The following EYS variants were observed in gnomAD, a reference collection of about 807,000 sequenced individuals.
EYS encodes EGF-like photoreceptor maintenance factor.
In EYS, 250 loss-of-function variants were observed where a neutral mutation model predicts 282.1. The ratio of observed to expected loss-of-function variants is 0.89; its 90% CI spans 0.80 to 0.98. The LOEUF is 0.98. Ranked by LOEUF, EYS falls within the 50% of genes least tolerant of loss-of-function variation. EYS has a pLI of 0.00. For synonymous variants in EYS, 1,355 were observed against 1,282.9 expected (o/e 1.06, Z -1.20); for missense variants, 4,016 against 3,709.0 (o/e 1.08, Z -2.15).
At chr6:64,230,862 T>C in intron 30 of EYS, 38 bp from the exon 31 acceptor site, 1 of 1,233,164 alleles carries the variant, frequency 8.1e-7, no homozygotes, top group East Asian at 2.6e-5. Flanking sequence ...AAAATATAAG[T>C]AAAAGCACTA....
chr6:64,213,462 A>G (rs1765843690), intron 31 of EYS, among the ~76,000 whole-genome samples: 1 of 152,206 alleles, frequency 6.6e-6, no homozygotes, highest in Non-Finnish European at 1.5e-5. Flanking sequence ...GGAACCGATC[A>G]GAATAGAAAA....
intron 2 of EYS, among the ~76,000 whole-genome samples, chr6:65,508,918 A>G (rs1375532830): frequency 3.9e-5 from 6 of 152,128 alleles, no homozygotes. Flanking sequence ...TTACAGTGAG[A>G]ACGTGGAGAA....
chr6:63,892,472 A>C (rs1773434271), intron 35 of EYS, among the ~76,000 whole-genome samples: 1 of 152,218 alleles, frequency 6.6e-6, no homozygotes, highest in South Asian at 2.1e-4. Context: ...AAAAACAAGC[A>C]ATGGGGAAAG....
intron 26 of EYS, among the ~76,000 whole-genome samples, chr6:64,492,200 A>G (rs529810238): frequency 5.3e-5 from 8 of 151,264 alleles, no homozygotes; most frequent in Non-Finnish European, 8.9e-5. Flanking sequence ...AAAGTGGGAA[A>G]TGTGAAAGGT....
chr6:64,451,447 C>T (rs1417897673), intron 26 of EYS, among the ~76,000 whole-genome samples: 2 of 152,130 alleles, frequency 1.3e-5, no homozygotes, highest in Non-Finnish European at 2.9e-5. Context: ...GGAGCTGGTA[C>T]CATTCCTTCT....
intron 28 of EYS, among the ~76,000 whole-genome samples, chr6:64,399,872 C>G (rs555556921): frequency 6.6e-6 from 1 of 151,792 alleles, no homozygotes; most frequent in Non-Finnish European, 1.5e-5. Flanking sequence ...ACTTTTTAAT[C>G]GGAGCTGGTC....
chr6:65,530,541 A>T (rs1767727844), intron 2 of EYS, among the ~76,000 whole-genome samples: 1 of 152,196 alleles, frequency 6.6e-6, no homozygotes, highest in African/African-American at 2.4e-5. Flanking sequence ...AAATGTCAAC[A>T]GTTATTATTA....
At chr6:64,788,531 G>A (rs1401708371) in intron 22 of EYS, among the ~76,000 whole-genome samples, 4 of 152,086 alleles carry the variant, frequency 2.6e-5, no homozygotes, top group African/African-American at 7.2e-5. Flanking sequence ...TGTTTGTTGC[G>A]TGAGACGTGG....
At chr6:64,345,084 T>C (rs1387182093) in intron 29 of EYS, among the ~76,000 whole-genome samples, 1 of 152,118 alleles carries the variant, frequency 6.6e-6, no homozygotes, top group Non-Finnish European at 1.5e-5. Context: ...TCCATGCTCA[T>C]GGGTAGGAAG....
At chr6:64,232,740 C>T (rs930311892) in intron 30 of EYS, among the ~76,000 whole-genome samples, 1 of 152,054 alleles carries the variant, frequency 6.6e-6, no homozygotes, top group Admixed American at 6.6e-5. Context: ...AATTTTGTCA[C>T]CCCAGGTTAA....
intron 30 of EYS, among the ~76,000 whole-genome samples, chr6:64,247,040 T>G (rs1582480882): frequency 6.6e-6 from 1 of 152,062 alleles, no homozygotes; most frequent in African/African-American, 2.4e-5. Flanking sequence ...ATTTTAGGAC[T>G]AAGTGTTTCA....
Position 65,057,741 on chromosome 6 carries a change from G to GA in EYS, c.2024-15dup, listed in dbSNP as rs202085379. ...CACATTGCGTACCTTTGGAAAATAGGAAAAAAAAATGTTAAGTGTTAACAA... is the reference window on the plus strand; with the variant it reads ...CACATTGCGTACCTTTGGAAAATAGGAAAAAAAAAATGTTAAGTGTTAACAA... On this transcript the variant is annotated splice_polypyrimidine_tract_variant and intron_variant, in intron 12 of 42. Transcript: ENST00000503581. 2,175 of 1,404,706 alleles carry GA rather than the reference G, an allele frequency of 1.5e-3. 11 individuals carry two copies. Among genetic ancestry groups the GA allele is most frequent in the African/African-American group, 0.013 (920 of 69,304 alleles). The allele number at this position is 1,404,706 out of a possible 1,614,324, so 87.0% of individuals were successfully genotyped here.
chr6:63,911,186 C>T (rs148698246), intron 35 of EYS, among the ~76,000 whole-genome samples: 508 of 151,686 alleles, frequency 3.3e-3, no homozygotes, highest in Non-Finnish European at 5.5e-3. Flanking sequence ...TCGCTTTTCC[C>T]ACAAATCAGC....
At chr6:64,718,978 A>G (rs546769556) in intron 22 of EYS, among the ~76,000 whole-genome samples, 9 of 152,336 alleles carry the variant, frequency 5.9e-5, no homozygotes, top group Admixed American at 5.2e-4. Flanking sequence ...AGGTAGGCCC[A>G]GTCTAAATAC....
At chr6:63,832,311 G>A (rs1482939124) in intron 36 of EYS, among the ~76,000 whole-genome samples, 2 of 152,056 alleles carry the variant, frequency 1.3e-5, no homozygotes, top group South Asian at 2.1e-4. Flanking sequence ...AAAATTGATA[G>A]ACCGCTAGCA....
chr6:65,119,756 A>G (rs1005948633), intron 12 of EYS, among the ~76,000 whole-genome samples: 1 of 151,490 alleles, frequency 6.6e-6, no homozygotes, highest in South Asian at 2.1e-4. Flanking sequence ...GGTTCCAGCT[A>G]CTTGGGAGGC....
At chr6:65,021,135 T>G (rs1023194215) in intron 13 of EYS, among the ~76,000 whole-genome samples, 23 of 152,304 alleles carry the variant, frequency 1.5e-4, no homozygotes, top group Middle Eastern at 3.4e-3. Flanking sequence ...TCCTCATTAC[T>G]TTTGCAAATT....
rs184766083 is a variant in EYS at position 65,282,507 on chromosome 6, G to A, written c.2023+13356C>T. On this transcript the variant is annotated intron_variant, in intron 12 of 42. Transcript: ENST00000503581. ...TAAAACAAAAATAAGTTGTTAACAC[G>A]TGAGCAAATTTTTAAGTATGTTATT... Among the ~76,000 whole-genome samples the A allele has an allele frequency of 2.4e-3, 365 of 152,016 alleles. 1 individual carries two copies. Among genetic ancestry groups the A allele is most frequent in the Non-Finnish European group, 4.4e-3 (301 of 67,832 alleles).
rs117661776 is a variant in EYS at position 64,112,021 on chromosome 6, T to G, written c.6425-30019A>C. ...TTAATTGAGTTGCTCTGTTATTCCA[T>G]GCAGCTGGTTAAAATTTTTTGGCTT... On this transcript the variant is annotated intron_variant, in intron 31 of 42. Coordinates refer to ENST00000503581, the MANE Select transcript of EYS (RefSeq NM_001142800.2). Among the ~76,000 whole-genome samples, 373 of 152,180 alleles carry G rather than the reference T, an allele frequency of 2.5e-3. 5 individuals are homozygous for G. In the East Asian group the frequency reaches 0.031, roughly 13 times the overall value.
Sources: allele counts gnomAD v4.1 joint callset (sites outside exome capture counted in the v4.1 genomes callset), GRCh38; gene constraint gnomAD v4.1.1; transcripts MANE v1.5; gene names NCBI Gene and HGNC (gene_info 2026-07-23, HGNC 2026-07-21).